The following HIVEP1 variants were observed in gnomAD, a reference collection of about 807,000 sequenced individuals.
HIVEP1 encodes the protein zinc finger protein 40.
A neutral mutation model predicts 180.0 loss-of-function variants in HIVEP1; 36 were observed. The observed-to-expected ratio is 0.20, with a 90% CI of 0.15 to 0.26. The LOEUF is 0.26. Among genes scored for constraint, HIVEP1 ranks in the 10% least tolerant of loss-of-function variants. The pLI is 1.00. For synonymous variants in HIVEP1, 1,239 were observed against 1,239.0 expected (o/e 1.00, Z 0.00); for missense variants, 3,143 against 3,268.7 (o/e 0.96, Z 0.94).
At chr6:12,113,108 G>A (rs1384901372) in intron 3 of HIVEP1, among the ~76,000 whole-genome samples, 2 of 151,718 alleles carry the variant, frequency 1.3e-5, no homozygotes, top group South Asian at 2.1e-4. Context: ...CACCTGGTGC[G>A]GGCCCATGTT....
chr6:12,182,522 A>T, the HIVEP1 span, among the ~76,000 whole-genome samples: 1 of 152,212 alleles, frequency 6.6e-6, no homozygotes, highest in African/African-American at 2.4e-5. Flanking sequence ...ATCAGGTTTC[A>T]TAGTGATTTC....
the HIVEP1 span, among the ~76,000 whole-genome samples, chr6:12,176,389 G>A: frequency 3.9e-5 from 6 of 151,986 alleles, no homozygotes; most frequent in African/African-American, 1.5e-4. Flanking sequence ...CTGCCATCAT[G>A]CCTGGCTAAT....
chr6:12,144,704 G>A (rs149007724), intron 7 of HIVEP1, among the ~76,000 whole-genome samples: 1,763 of 152,192 alleles, frequency 0.012, 32 homozygotes, highest in African/African-American at 0.04. Flanking sequence ...TCCAAAAGTG[G>A]GCAAAGGATA....
At chr6:12,166,941 G>A (rs542801165), downstream of HIVEP1, among the ~76,000 whole-genome samples, 167 of 152,222 alleles carry the variant, frequency 1.1e-3, no homozygotes, top group Non-Finnish European at 2.0e-3. Flanking sequence ...AGAACCACAG[G>A]TCGTTTTTCT....
At chr6:12,026,389 G>C (rs1187689250) in intron 2 of HIVEP1, among the ~76,000 whole-genome samples, 1 of 152,178 alleles carries the variant, frequency 6.6e-6, no homozygotes, top group African/African-American at 2.4e-5. Flanking sequence ...GGTTTTTAAA[G>C]ACAGGAAGGA....
At chr6:12,014,623 A>G (rs183927310) in intron 1 of HIVEP1, among the ~76,000 whole-genome samples, 63 of 152,310 alleles carry the variant, frequency 4.1e-4, no homozygotes, top group African/African-American at 1.3e-3. Context: ...GTTTTCTTGC[A>G]GTAAGTTAAA....
chr6:12,111,401 ACTGTCTTGTGGTT>A (rs779056479), intron 3 of HIVEP1, among the ~76,000 whole-genome samples: 12 of 152,228 alleles, frequency 7.9e-5, no homozygotes, highest in Non-Finnish European at 1.6e-4. Context: ...CACAGTACTT[ACTGTCTTGTGGTT>A]CTGTAGGTCA....
At chr6:12,082,567 G>T (rs182723541) in intron 2 of HIVEP1, among the ~76,000 whole-genome samples, 4 of 152,188 alleles carry the variant, frequency 2.6e-5, no homozygotes, top group Admixed American at 6.5e-5. Context: ...GGTTTTAACT[G>T]CCAGTTATGT....
intron 3 of HIVEP1, among the ~76,000 whole-genome samples, chr6:12,092,868 G>A (rs1773563809): frequency 6.6e-6 from 1 of 152,152 alleles, no homozygotes; most frequent in African/African-American, 2.4e-5. Flanking sequence ...AGAGAGCTCT[G>A]CCGAGCAGTG....
intron 2 of HIVEP1, among the ~76,000 whole-genome samples, chr6:12,081,523 T>C (rs56176088): frequency 0.05 from 7,655 of 152,180 alleles, 206 homozygotes; most frequent in South Asian, 0.1. Context: ...CCTCTTTTCC[T>C]TCCCTCTGGC....
intron 6 of HIVEP1, among the ~76,000 whole-genome samples, chr6:12,134,768 C>T (rs1427210899): frequency 6.6e-6 from 1 of 152,142 alleles, no homozygotes; most frequent in African/African-American, 2.4e-5. Flanking sequence ...GGCAGGTGTG[C>T]TAGTGGTTCT....
Position 12,122,200 on chromosome 6 carries a change from G to A in HIVEP1, c.2405G>A (p.Arg802Lys). The change falls in exon 4 of 9, where the codon AGA (arginine) becomes AAA (lysine). Residue 802 changes from arginine to lysine, a missense_variant. Arg to Lys is a conservative substitution (Grantham distance 26). Coordinates refer to ENST00000379388, the MANE Select transcript of HIVEP1 (RefSeq NM_002114.4). ...FQFDLKPVGR[R>K]TSSSSDIPKS... ...TTTGATTTAAAACCAGTGGGACGGA[G>A]AACAAGTTCAAGCTCTGATATACCG... 2 of 1,614,192 alleles carry A rather than the reference G, an allele frequency of 1.2e-6. No individual in the cohort carries two copies. Among genetic ancestry groups the A allele is most frequent in the Non-Finnish European group, 1.7e-6 (2 of 1,180,022 alleles).
At chr6:12,183,923 A>T in the HIVEP1 span, among the ~76,000 whole-genome samples, 7 of 152,226 alleles carry the variant, frequency 4.6e-5, no homozygotes, top group African/African-American at 1.7e-4. Context: ...TAAACTCAAC[A>T]TTATTTTAAG....
At chr6:12,129,549 A>T (rs1393388362) in intron 4 of HIVEP1, 7 of 652,716 alleles carry the variant, frequency 1.1e-5, no homozygotes, top group Non-Finnish European at 2.0e-5. Context: ...GTGGAATTTT[A>T]AATTAACATA....
intron 2 of HIVEP1, among the ~76,000 whole-genome samples, chr6:12,016,930 G>C (rs1403885901): frequency 6.6e-6 from 1 of 152,240 alleles, no homozygotes; most frequent in East Asian, 1.9e-4. Flanking sequence ...ATCTGTCCAG[G>C]GAGGGCACCC....
chr6:12,128,950 C>T (rs569188479), intron 4 of HIVEP1, among the ~76,000 whole-genome samples: 1 of 152,156 alleles, frequency 6.6e-6, no homozygotes, highest in Non-Finnish European at 1.5e-5. Flanking sequence ...GTGGCTCATG[C>T]CTGTAATCCC....
chr6:12,083,796 C>T (rs1001156979), intron 2 of HIVEP1, among the ~76,000 whole-genome samples: 1 of 152,070 alleles, frequency 6.6e-6, no homozygotes, highest in African/African-American at 2.4e-5. Context: ...CTTATCTTTA[C>T]TCTCCTTCCT....
intron 2 of HIVEP1, among the ~76,000 whole-genome samples, chr6:12,044,488 G>A (rs1288695611): frequency 4.0e-5 from 6 of 151,526 alleles, no homozygotes; most frequent in African/African-American, 7.3e-5. Context: ...CAAAGCCAGC[G>A]CACCTGTGTA....
At chr6:12,177,128 A>G in the HIVEP1 span, among the ~76,000 whole-genome samples, 3 of 152,216 alleles carry the variant, frequency 2.0e-5, no homozygotes, top group Admixed American at 6.5e-5. Flanking sequence ...ACTCATGGAC[A>G]CAAAGAAGAG....
Sources: gnomAD v4.1 joint callset for allele counts (sites outside exome capture counted in the v4.1 genomes callset) on GRCh38, gnomAD v4.1.1 for gene constraint, MANE v1.5 for transcripts, NCBI Gene and HGNC (gene_info 2026-07-23, HGNC 2026-07-21) for gene names.